The following ROR2 variants were observed in gnomAD, a reference collection of about 807,000 sequenced individuals.
The protein encoded by ROR2 is ROR family WNT receptor 2.
ROR2 carries 33 observed loss-of-function variants against 74.9 expected under a neutral mutation model. The ratio of observed to expected loss-of-function variants is 0.44; its 90% confidence interval spans 0.33 to 0.59. The LOEUF is 0.59. Ranked by LOEUF, ROR2 falls within the 20% of genes least tolerant of loss-of-function variation. ROR2 has a pLI of 0.02. For missense variants in ROR2, 1,216 were observed against 1,313.8 expected (o/e 0.93, Z 1.15); for synonymous variants, 586 against 558.7 (o/e 1.05, Z -0.69).
chr9:91,910,826 G>C (rs1277839868), intron 1 of ROR2, among the ~76,000 whole-genome samples: 1 of 152,046 alleles, frequency 6.6e-6, no homozygotes, highest in Non-Finnish European at 1.5e-5. Flanking sequence ...ACCATGCCCA[G>C]CTAATTTTTG....
chr9:91,897,264 T>C (rs75979691), intron 1 of ROR2, among the ~76,000 whole-genome samples: 7,976 of 152,314 alleles, frequency 0.052, 299 homozygotes, highest in South Asian at 0.14. Context: ...TACAATTTAA[T>C]TTTCAAAGTG....
chr9:91,784,483 A>C (rs1826727682), intron 1 of ROR2, among the ~76,000 whole-genome samples: 1 of 152,124 alleles, frequency 6.6e-6, no homozygotes, highest in South Asian at 2.1e-4. Flanking sequence ...GTGCAGTTCC[A>C]CTCACACTAA....
At chr9:91,908,492 A>G (rs1361962248) in intron 1 of ROR2, among the ~76,000 whole-genome samples, 3 of 151,978 alleles carry the variant, frequency 2.0e-5, no homozygotes, top group Non-Finnish European at 4.4e-5. Context: ...TAAGGACCTT[A>G]TAACCATTAA....
At chr9:91,945,672 C>G (rs1831995616) in intron 1 of ROR2, among the ~76,000 whole-genome samples, 1 of 152,160 alleles carries the variant, frequency 6.6e-6, no homozygotes. Context: ...AAAAAGAAAA[C>G]ACCCACAGAA....
chr9:91,755,901 T>C, intron 4 of ROR2, 170 bp downstream of exon 4: 1 of 690,060 alleles, frequency 1.4e-6, no homozygotes, highest in Non-Finnish European at 2.6e-6. Flanking sequence ...ACATGAAAAA[T>C]GTAAATGTTT....
At chr9:91,945,079 C>CA (rs57240443) in intron 1 of ROR2, among the ~76,000 whole-genome samples, 1,341 of 118,320 alleles carry the variant, frequency 0.011, 7 homozygotes, top group African/African-American at 0.024. Flanking sequence ...GACCTTAACT[C>CA]AAAAAAAAAA....
chr9:91,730,800 T>C, intron 7 of ROR2, 110 bp downstream of exon 7: 1 of 1,427,946 alleles, frequency 7.0e-7, no homozygotes, highest in Admixed American at 1.8e-5. Context: ...CAGGGGTCTC[T>C]GGTCGCCACC....
chr9:91,841,909 C>A (rs1334018386), intron 1 of ROR2, among the ~76,000 whole-genome samples: 2 of 152,212 alleles, frequency 1.3e-5, no homozygotes, highest in Non-Finnish European at 2.9e-5. Flanking sequence ...CCATGAGAGT[C>A]ATCTCTGTCT....
At chr9:91,932,402 C>T (rs1374540179) in intron 1 of ROR2, among the ~76,000 whole-genome samples, 1 of 151,980 alleles carries the variant, frequency 6.6e-6, no homozygotes, top group Admixed American at 6.6e-5. Flanking sequence ...GAAAAAAACA[C>T]GTTCACAGAA....
At chr9:91,879,051 A>AAAAAC (rs1353157032) in intron 1 of ROR2, among the ~76,000 whole-genome samples, 35 of 152,300 alleles carry the variant, frequency 2.3e-4, no homozygotes, top group African/African-American at 8.4e-4. Context: ...CAAAAAAAGA[A>AAAAAC]AAAACAAAAC....
intron 1 of ROR2, among the ~76,000 whole-genome samples, chr9:91,799,855 C>T (rs1340116133): frequency 1.3e-5 from 2 of 152,218 alleles, no homozygotes; most frequent in Non-Finnish European, 2.9e-5. Flanking sequence ...CCATGGCTCC[C>T]TTCTCAAGGA....
intron 1 of ROR2, among the ~76,000 whole-genome samples, chr9:91,864,259 C>G (rs1240613626): frequency 6.6e-6 from 1 of 152,174 alleles, no homozygotes; most frequent in Non-Finnish European, 1.5e-5. Context: ...GGAAAGAGAT[C>G]CACCTGTTTC....
At chr9:91,910,854 G>A (rs970408681) in intron 1 of ROR2, among the ~76,000 whole-genome samples, 2 of 151,986 alleles carry the variant, frequency 1.3e-5, no homozygotes, top group African/African-American at 4.8e-5. Context: ...AGTAGAGACG[G>A]GGTTTCACCT....
At chr9:91,894,446 G>T (rs79789285) in intron 1 of ROR2, among the ~76,000 whole-genome samples, 1 of 152,130 alleles carries the variant, frequency 6.6e-6, no homozygotes, top group Non-Finnish European at 1.5e-5. Flanking sequence ...CTATTTCTTG[G>T]TGTCCAGTGA....
chr9:91,852,846 G>A (rs1002576125), intron 1 of ROR2, among the ~76,000 whole-genome samples: 1 of 152,244 alleles, frequency 6.6e-6, no homozygotes, highest in Non-Finnish European at 1.5e-5. Flanking sequence ...TCTGAAGAGA[G>A]TGAAGAGAAG....
intron 1 of ROR2, among the ~76,000 whole-genome samples, chr9:91,872,309 T>C (rs1474600102): frequency 6.6e-6 from 1 of 152,218 alleles, no homozygotes. Flanking sequence ...ACTCTCAGGC[T>C]GGCACCGTTC....
chr9:91,847,073 C>T (rs181936722), intron 1 of ROR2, among the ~76,000 whole-genome samples: 6 of 151,464 alleles, frequency 4.0e-5, no homozygotes, highest in Admixed American at 1.3e-4. Flanking sequence ...TGGATTGGGC[C>T]GGGGGGAAAT....
chr9:91,733,140 C>G lies in ROR2; in HGVS notation c.919G>C (p.Ala307Pro). 2.5e-6 allele frequency: 4 copies of G among 1,598,386 alleles called. No homozygotes were observed. Among genetic ancestry groups the G allele is most frequent in the Non-Finnish European group, 3.4e-6 (4 of 1,174,430 alleles). Residue 307 changes from alanine (A) to proline (P), a missense_variant, in exon 6 of 9, where the codon GCC becomes CCC. Coordinates refer to ENST00000375708, the MANE Select transcript of ROR2 (RefSeq NM_004560.4). The surrounding 1 kb of genome is among the most constrained non-coding windows in gnomAD (Gnocchi z 5.7). Reference protein sequence around the residue: ...AANCMRIGIPAERLGRYHQCY... With the variant: ...AANCMRIGIPPERLGRYHQCY... ...CACTCACAGCGGCCCAGCCTCTCGG[C>G]TGGGATGCCAATGCGCATGCAGTTG...
intron 1 of ROR2, among the ~76,000 whole-genome samples, chr9:91,819,360 T>A (rs1828056074): frequency 6.6e-6 from 1 of 152,226 alleles, no homozygotes; most frequent in Non-Finnish European, 1.5e-5. Flanking sequence ...AGGCTGTTCA[T>A]CTGTATGTGT....
Sources: gnomAD v4.1 joint callset for allele counts (sites outside exome capture counted in the v4.1 genomes callset) on GRCh38, gnomAD v4.1.1 for gene constraint, Gnocchi (gnomAD v3.1) non-coding constraint, MANE v1.5 for transcripts, NCBI Gene and HGNC (gene_info 2026-07-23, HGNC 2026-07-21) for gene names.